TCF3: variants seen among roughly 807,000 people sequenced by gnomAD.
The protein encoded by TCF3 is transcription factor 3.
In TCF3, 54 loss-of-function variants were observed where a neutral mutation model predicts 72.3. The observed-to-expected ratio is 0.75, with a 90% confidence interval of 0.60 to 0.94. The LOEUF (loss-of-function observed/expected upper bound fraction) is 0.94, where lower values mean the gene tolerates loss of function less well. TCF3 is among the 40% of genes least tolerant of loss of function. TCF3 has a pLI of 0.00. For missense variants in TCF3, 1,078 were observed against 934.4 expected, an observed-to-expected ratio of 1.15 and a Z score of -2.00; for synonymous variants, 525 against 412.6, an observed-to-expected ratio of 1.27 and a Z score of -3.30.
intron 2 of TCF3, among the ~76,000 whole-genome samples, chr19:1,647,417 G>T (rs977734101): frequency 1.3e-5 from 2 of 152,250 alleles, no homozygotes; most frequent in Admixed American, 6.5e-5. Context: ...GCCAGGAGGC[G>T]AAGGCACAGC....
intron 3 of TCF3, among the ~76,000 whole-genome samples, chr19:1,642,227 G>A (rs564063047): frequency 1.4e-5 from 2 of 147,930 alleles, no homozygotes; most frequent in African/African-American, 2.5e-5. Context: ...CAGACGCACA[G>A]ACACGCACGC....
chr19:1,625,625 G>A lies in TCF3; in HGVS notation c.450C>T (p.Tyr150=), dbSNP rs1599681038. The change falls in exon 7 of 19, where the codon TAC becomes TAT. Residue 150 remains tyrosine (Y), a synonymous_variant. Transcript: ENST00000262965. Reference sequence around the variant, plus strand: ...GCCGGGAGCTGCCGGAGTAGGAGGGGTAGTACTGGGAGGTCCCCTTCATGC... The same window carrying A: ...GCCGGGAGCTGCCGGAGTAGGAGGGATAGTACTGGGAGGTCCCCTTCATGC... ...PSGMKGTSQY[Y]PSYSGSSRRR... is the part of the protein sequence containing the mutation. 18 of 1,575,506 alleles carry A rather than the reference G, an allele frequency of 1.1e-5. No individual in the cohort carries two copies. Among genetic ancestry groups the A allele is most frequent in the Non-Finnish European group, 1.5e-5 (18 of 1,163,952 alleles).
At position 1,619,204 on chromosome 19, in the gene TCF3, C is replaced by T. The variant is rs201830800; in HGVS notation, c.1357G>A (p.Ala453Thr). The change falls in exon 16 of 19, where the codon GCA (alanine) becomes ACA (threonine). Residue 453 changes from alanine (A) to threonine (T), a missense_variant. Ala to Thr is a moderately conservative substitution (Grantham distance 58, BLOSUM62 0). Coordinates refer to ENST00000262965, the MANE Select transcript of TCF3 (RefSeq NM_003200.5). ...TTGTGCATGAGGCTGGTGCTGCCTG[C>T]GAGGCCGTCCTCGGGGTGGCTGCCT... is the stretch of plus-strand genomic sequence containing the variant. ...VGGSHPEDGL[A>T]GSTSLMHNHA... 545 of 1,598,756 alleles carry T rather than the reference C, an allele frequency of 3.4e-4. No individual in the cohort carries two copies. The highest frequency in any genetic ancestry group is 4.1e-4 in the Non-Finnish European group (485 of 1,178,970).
intron 3 of TCF3, among the ~76,000 whole-genome samples, chr19:1,643,829 C>T (rs1441830992): frequency 6.6e-6 from 1 of 152,190 alleles, no homozygotes; most frequent in Non-Finnish European, 1.5e-5. Flanking sequence ...CTAAAGTTTC[C>T]TTTCAAATGA....
At chr19:1,639,813 G>A (rs945730759) in intron 3 of TCF3, among the ~76,000 whole-genome samples, 3 of 149,754 alleles carry the variant, frequency 2.0e-5, no homozygotes, top group African/African-American at 7.4e-5. Context: ...CATGCATTAT[G>A]GAAACCAATG....
intron 16 of TCF3, 62 bp downstream of exon 16, chr19:1,619,047 CTA>C (rs2061860589): frequency 6.3e-7 from 1 of 1,596,322 alleles, no homozygotes; most frequent in Non-Finnish European, 8.5e-7. Context: ...ACCCCCACCA[CTA>C]GAGTGCCTCA....
At chr19:1,626,904 G>A (rs1319340248) in intron 6 of TCF3, among the ~76,000 whole-genome samples, 2 of 152,078 alleles carry the variant, frequency 1.3e-5, no homozygotes, top group Non-Finnish European at 2.9e-5. Context: ...GGGTGAGGGA[G>A]GAACCCTGGG....
In TCF3 at chr19:1,652,462, C is replaced by G. The variant is rs2067278334; in HGVS notation, c.-202G>C. ...CGGGCCCCTCCCACCCCCGCGTGGCCCGTCCCGCGGGGCCCGTGCGCGCGG... is the reference window on the plus strand; with the variant it reads ...CGGGCCCCTCCCACCCCCGCGTGGCGCGTCCCGCGGGGCCCGTGCGCGCGG... On this transcript the variant is annotated 5_prime_UTR_variant, in exon 1 of 19. Coordinates refer to ENST00000262965, the MANE Select transcript of TCF3 (RefSeq NM_003200.5). The G allele has an allele frequency of 6.9e-6, 1 of 143,920 alleles. No individual in the cohort carries two copies. The highest frequency in any genetic ancestry group is 6.8e-5 in the Admixed American group (1 of 14,606). The allele number at this position is 143,920 out of a possible 1,614,324, so 8.9% of individuals were successfully genotyped here.
intron 3 of TCF3, among the ~76,000 whole-genome samples, chr19:1,645,701 G>A (rs936540814): frequency 2.8e-4 from 42 of 152,154 alleles, no homozygotes; most frequent in African/African-American, 9.7e-4. Context: ...GTGATTTTCA[G>A]GCCACCCCCA....
Position 1,632,320 on chromosome 19 carries a change from G to T in TCF3, c.219+12C>A. On this transcript the variant is annotated intron_variant, in intron 4 of 18. Coordinates refer to ENST00000262965, the MANE Select transcript of TCF3 (RefSeq NM_003200.5). ...GGAAACTCAGGGTCTCAGGCCTCACGGGGACTCCTACCCGGCTGGGGTCAA... is the reference window on the plus strand; with the variant it reads ...GGAAACTCAGGGTCTCAGGCCTCACTGGGACTCCTACCCGGCTGGGGTCAA... 6.3e-7 allele frequency: 1 copy of T among 1,578,096 alleles called. No homozygotes were observed. Among genetic ancestry groups the T allele is most frequent in the South Asian group, 1.2e-5 (1 of 86,050 alleles).
intron 13 of TCF3, 72 bp downstream of exon 13, chr19:1,620,896 C>G: frequency 3.7e-6 from 5 of 1,352,056 alleles, no homozygotes; most frequent in Non-Finnish European, 4.8e-6. Flanking sequence ...AAAGCCTTCA[C>G]AGACCTCAGC....
At chr19:1,621,308 G>T in intron 11 of TCF3, 117 bp from the exon 12 acceptor site, 1 of 1,257,934 alleles carries the variant, frequency 7.9e-7, no homozygotes, top group Non-Finnish European at 1.1e-6. Context: ...AGAGCAGCCT[G>T]ACTCGGGTCC....
In TCF3 at chr19:1,630,142, G is replaced by A. The variant is rs2063521827; in HGVS notation, c.298+1896C>T. ...CATTGCTGGCCGGGCCGTGGGAACT[G>A]CCCACGTCAGCCCTGCCCACCCTGG... On this transcript the variant is annotated intron_variant, in intron 5 of 18. Coordinates refer to ENST00000262965, the MANE Select transcript of TCF3 (RefSeq NM_003200.5). Among the ~76,000 whole-genome samples, 2 of 152,208 alleles carry A rather than the reference G, an allele frequency of 1.3e-5. 1 individual carries two copies. The highest frequency in any genetic ancestry group is 1.3e-4 in the Admixed American group (2 of 15,290).
At chr19:1,634,748 CT>C (rs2064171094) in intron 3 of TCF3, among the ~76,000 whole-genome samples, 1 of 152,220 alleles carries the variant, frequency 6.6e-6, no homozygotes, top group South Asian at 2.1e-4. Flanking sequence ...TGAGATTGGT[CT>C]GCAGCAGGGA....
In TCF3 at chr19:1,622,190, C is replaced by T. The variant is rs1807054951; in HGVS notation, c.686G>A (p.Ser229Asn). The change falls in exon 10 of 19, where the codon AGT becomes AAT. Residue 229 changes from serine to asparagine, a missense_variant. Physicochemically the swap from Ser to Asn is conservative, Grantham distance 46. Coordinates refer to ENST00000262965, the MANE Select transcript of TCF3 (RefSeq NM_003200.5). The stretch of plus-strand genomic sequence containing the variant: ...CCCGAAGCCCGCCTGGCCCGGGGGA[C>T]TCCAGAGCTCGGCTGAGGGGTGCAG... ...GSLHPSAELW[S>N]PPGQAGFGPM... The T allele has an allele frequency of 1.3e-6, 2 of 1,563,892 alleles. No homozygotes were observed. The highest frequency in any genetic ancestry group is 2.3e-5 in the South Asian group (2 of 85,284).
rs1406561499 is a variant in TCF3 at position 1,614,675 on chromosome 19, G to T, written c.1822+610C>A. Among the ~76,000 whole-genome samples, 1 of 152,158 alleles carries T rather than the reference G, an allele frequency of 6.6e-6. No homozygotes were observed. Among genetic ancestry groups the T allele is most frequent in the Non-Finnish European group, 1.5e-5 (1 of 68,026 alleles). ...AGGAAAGGAAGGAGTTAAGGAAGCA[G>T]CCGCCAGCGCCAGCGGGGGGAAGGA... On this transcript the variant is annotated intron_variant, in intron 18 of 18. Transcript: ENST00000262965. This position sits in a 1 kb window ranked among gnomAD's most constrained non-coding sequence, Gnocchi z 5.6.
chr19:1,642,266 GCACGCACACGCACAGA>G (rs2065424676), intron 3 of TCF3, among the ~76,000 whole-genome samples: 2 of 149,450 alleles, frequency 1.3e-5, no homozygotes, highest in South Asian at 2.1e-4. Flanking sequence ...GCGCACACAC[GCACGCACACGCACAGA>G]CGCGCACACG....
intron 2 of TCF3, among the ~76,000 whole-genome samples, chr19:1,649,427 T>C (rs77922401): frequency 1.0e-5 from 1 of 100,394 alleles, no homozygotes; most frequent in East Asian, 3.6e-4. Context: ...TTTACTTCTT[T>C]GAGGAAGGAT....
At chr19:1,644,466 G>T (rs2065784612) in intron 3 of TCF3, among the ~76,000 whole-genome samples, 3 of 152,108 alleles carry the variant, frequency 2.0e-5, no homozygotes, top group African/African-American at 7.2e-5. Flanking sequence ...GTCCCTCAAG[G>T]GCAAAAAATG....
Sources: gnomAD v4.1 joint callset for allele counts (sites outside exome capture counted in the v4.1 genomes callset) on GRCh38, gnomAD v4.1.1 for gene constraint, Gnocchi (gnomAD v3.1) non-coding constraint, MANE v1.5 for transcripts, NCBI Gene and HGNC (gene_info 2026-07-23, HGNC 2026-07-21) for gene names.